The following DGKD variants were observed in gnomAD, a reference collection of about 807,000 sequenced individuals.
The protein encoded by DGKD is DAG kinase delta.
In DGKD, 68 loss-of-function variants were observed where a neutral mutation model predicts 154.4. The observed-to-expected ratio is 0.44, with a 90% confidence interval of 0.36 to 0.54. The LOEUF (loss-of-function observed/expected upper bound fraction) is 0.54, where lower values mean the gene tolerates loss of function less well. DGKD is among the 20% of genes least tolerant of loss of function. DGKD has a pLI of 0.00. For synonymous variants in DGKD, 693 were observed against 638.0 expected (o/e 1.09, Z -1.30); for missense variants, 1,343 against 1,593.6 (o/e 0.84, Z 2.68).
At position 233,451,046 on chromosome 2, in the gene DGKD, C is replaced by T. The variant is rs1213013499; in HGVS notation, c.2163C>T (p.Tyr721=). 1 of 1,604,312 alleles carries T rather than the reference C, an allele frequency of 6.2e-7. No homozygotes were observed. The highest frequency in any genetic ancestry group is 2.2e-5 in the East Asian group (1 of 44,504). ...GLPALNTKIL[Y]PNVRAGMSGS... is the part of the protein sequence containing the mutation. ...CTGCGCTCAACACCAAGATCCTGTACCCAAGTGAGTGGCGGCCAGCAGGAG... is the reference window on the plus strand; with the variant it reads ...CTGCGCTCAACACCAAGATCCTGTATCCAAGTGAGTGGCGGCCAGCAGGAG... Residue 721 remains tyrosine, a synonymous_variant, in exon 17 of 30, where the codon TAC becomes TAT. Coordinates refer to ENST00000264057, the MANE Select transcript of DGKD (RefSeq NM_152879.3).
intron 24 of DGKD, 54 bp from the exon 25 acceptor site, chr2:233,462,294 A>G (rs1217941932): frequency 6.9e-7 from 1 of 1,449,418 alleles, no homozygotes; most frequent in Non-Finnish European, 9.6e-7. Context: ...CGTATTGTGA[A>G]AGGCTGCCCT....
intron 12 of DGKD, 67 bp from the exon 13 acceptor site, chr2:233,448,020 C>T: frequency 1.2e-6 from 2 of 1,603,010 alleles, no homozygotes; most frequent in East Asian, 2.2e-5. Context: ...CTGACAGAGT[C>T]ACTGGGACTG....
chr2:233,391,948 C>G (rs941733790), intron 3 of DGKD: 5 of 152,062 alleles, frequency 3.3e-5, no homozygotes, highest in African/African-American at 1.2e-4. Flanking sequence ...ATAGATTTTT[C>G]TTTGATTCGT....
chr2:233,389,529 A>G (rs1703433445), intron 2 of DGKD, among the ~76,000 whole-genome samples: 1 of 152,036 alleles, frequency 6.6e-6, no homozygotes, highest in Non-Finnish European at 1.5e-5. Flanking sequence ...TTGAAATGGA[A>G]CAAAGCAGCT....
intron 1 of DGKD, among the ~76,000 whole-genome samples, chr2:233,355,312 A>G (rs1701487431): frequency 6.6e-6 from 1 of 152,172 alleles, no homozygotes; most frequent in East Asian, 1.9e-4. Flanking sequence ...CCTGACGCTA[A>G]ATGTTAGATA....
chr2:233,442,192 C>T lies in DGKD; in HGVS notation c.1194+197C>T, dbSNP rs185552983. 7.7e-4 allele frequency: 533 copies of T among 692,536 alleles called. 3 individuals are homozygous for T. The African/African-American group carries it at 8.3e-3, about 11-fold the overall frequency. 42.9% of individuals were successfully genotyped at this position (692,536 alleles called of 1,614,324 possible). A position where few individuals can be genotyped will look rare whatever the true frequency, so the allele number is the denominator to read the frequency against. On this transcript the variant is annotated intron_variant, in intron 10 of 29. Coordinates refer to ENST00000264057, the MANE Select transcript of DGKD (RefSeq NM_152879.3). ...GGCCACCCCCTGGCATTGTGGAGGC[C>T]CGGGGGCTCTGGCCATGATGTATGA...
At chr2:233,400,439 T>C (rs1458964220) in intron 3 of DGKD, among the ~76,000 whole-genome samples, 3 of 152,210 alleles carry the variant, frequency 2.0e-5, no homozygotes, top group East Asian at 3.8e-4. Flanking sequence ...CAGTGCCCAC[T>C]GCCCTGTCTG....
intron 1 of DGKD, among the ~76,000 whole-genome samples, chr2:233,360,768 G>A (rs1483238799): frequency 1.3e-5 from 2 of 152,282 alleles, no homozygotes; most frequent in East Asian, 3.9e-4. Context: ...TAAGAGGAAG[G>A]GGAGGGAGAT....
At chr2:233,392,557 G>T (rs1179912842) in intron 3 of DGKD, among the ~76,000 whole-genome samples, 1 of 152,050 alleles carries the variant, frequency 6.6e-6, no homozygotes, top group Non-Finnish European at 1.5e-5. Flanking sequence ...ACTGTGTTTT[G>T]ATTTCAGAGT....
In DGKD at chr2:233,445,837, C is replaced by T; in HGVS notation, c.1334+75C>T. 1.4e-6 allele frequency: 2 copies of T among 1,480,266 alleles called. No homozygotes were observed. Among genetic ancestry groups the T allele is most frequent in the Admixed American group, 4.8e-5 (2 of 41,442 alleles). 91.7% of individuals were successfully genotyped at this position (1,480,266 alleles called of 1,614,324 possible). ...GTCCCTTTGACCAGGTGTTCTTAAC[C>T]TGGGGTCTGTGGAAAACATGGGCCC... On this transcript the variant is annotated intron_variant, in intron 11 of 29. Transcript: ENST00000264057. This position sits in a 1 kb window ranked among gnomAD's most constrained non-coding sequence, Gnocchi z 5.5.
At chr2:233,447,526 A>T (rs560625229) in intron 12 of DGKD, 59 of 976,408 alleles carry the variant, frequency 6.0e-5, no homozygotes, top group African/African-American at 2.8e-4. Context: ...TTAAAAAAAA[A>T]TTTTTTTTTT....
At chr2:233,411,747 G>T (rs1282438496) in intron 3 of DGKD, among the ~76,000 whole-genome samples, 1 of 152,012 alleles carries the variant, frequency 6.6e-6, no homozygotes, top group African/African-American at 2.4e-5. Context: ...GTCTACCTCG[G>T]CTTGCAAAGA....
At chr2:233,371,902 T>G (rs996727952) in intron 1 of DGKD, among the ~76,000 whole-genome samples, 1 of 152,258 alleles carries the variant, frequency 6.6e-6, no homozygotes, top group African/African-American at 2.4e-5. Flanking sequence ...GTTCATAAAG[T>G]GATTCTTAAT....
chr2:233,384,623 C>T (rs555185153), intron 1 of DGKD, among the ~76,000 whole-genome samples: 10 of 152,278 alleles, frequency 6.6e-5, no homozygotes, highest in Non-Finnish European at 1.0e-4. Context: ...TCCTCCCCTT[C>T]GCCTCGGTCG....
chr2:233,436,222 A>C, intron 6 of DGKD, 94 bp from the exon 7 acceptor site: 1 of 1,572,982 alleles, frequency 6.4e-7, no homozygotes, highest in Non-Finnish European at 8.6e-7. Context: ...TTCTGGGAAG[A>C]ATGCCTTGGC....
chr2:233,462,226 C>A, intron 24 of DGKD, 122 bp from the exon 25 acceptor site: 1 of 721,072 alleles, frequency 1.4e-6, no homozygotes, highest in South Asian at 1.9e-5. Context: ...CCCTGTCGTC[C>A]TGCTGGGCCT....
At chr2:233,429,764 C>G (rs962425201) in intron 3 of DGKD, among the ~76,000 whole-genome samples, 4 of 152,242 alleles carry the variant, frequency 2.6e-5, no homozygotes, top group African/African-American at 4.8e-5. Context: ...CCGGGCCTGC[C>G]TTTGCCGTCT....
intron 3 of DGKD, among the ~76,000 whole-genome samples, chr2:233,397,540 G>A (rs762132518): frequency 0.032 from 4,380 of 137,292 alleles, 180 homozygotes; most frequent in South Asian, 0.051. Context: ...GTGGCTGGGG[G>A]GGGGGGGCAG....
chr2:233,408,822 T>A (rs1407257648), intron 3 of DGKD: 1 of 152,250 alleles, frequency 6.6e-6, no homozygotes, highest in African/African-American at 2.4e-5. Flanking sequence ...ATTCCACACC[T>A]GGTAATCCAC....
Sources: gnomAD v4.1 joint callset for allele counts (sites outside exome capture counted in the v4.1 genomes callset) on GRCh38, gnomAD v4.1.1 for gene constraint, Gnocchi (gnomAD v3.1) non-coding constraint, MANE v1.5 for transcripts, NCBI Gene and HGNC (gene_info 2026-07-23, HGNC 2026-07-21) for gene names.